The following ABR variants were observed in gnomAD, a reference collection of about 807,000 sequenced individuals.
ABR encodes the protein ABR activator of RhoGEF and GTPase.
A neutral mutation model predicts 107.2 loss-of-function variants in ABR; 35 were observed. The observed-to-expected ratio is 0.33, with a 90% CI of 0.25 to 0.43. The LOEUF (loss-of-function observed/expected upper bound fraction) is 0.43. ABR is among the 20% of genes least tolerant of loss of function. The pLI is 1.00. For synonymous variants in ABR, 498 were observed against 462.0 expected (o/e 1.08, Z -1.00); for missense variants, 815 against 1,115.2 (o/e 0.73, Z 3.83).
chr17:1,152,151 G>A (rs1181339746), intron 1 of ABR, among the ~76,000 whole-genome samples: 3 of 152,252 alleles, frequency 2.0e-5, no homozygotes, highest in Non-Finnish European at 2.9e-5. Context: ...TTAGCTAGGT[G>A]TGGTGGCAGG....
At chr17:1,012,285 C>G in intron 18 of ABR, 1 of 643,996 alleles carries the variant, frequency 1.6e-6, no homozygotes, top group Non-Finnish European at 2.9e-6. Flanking sequence ...GGAGGCCCAG[C>G]AGGCAGCCCA....
At chr17:1,020,431 C>A (rs145687747) in intron 16 of ABR, among the ~76,000 whole-genome samples, 134 of 152,310 alleles carry the variant, frequency 8.8e-4, no homozygotes, top group Non-Finnish European at 1.6e-3. Context: ...ATCATGACTG[C>A]GCATTCAGGC....
chr17:1,206,250 C>T (rs1003082233), intron 1 of ABR, among the ~76,000 whole-genome samples: 4 of 152,206 alleles, frequency 2.6e-5, no homozygotes, highest in Non-Finnish European at 5.9e-5. Flanking sequence ...GACACTGATG[C>T]GTTTATAGTG....
In ABR at chr17:1,125,223, T is replaced by G. The variant is rs751794598; in HGVS notation, c.206A>C (p.Asp69Ala). 1.2e-6 allele frequency: 2 copies of G among 1,603,446 alleles called. No individual in the cohort carries two copies. The highest frequency in any genetic ancestry group is 2.2e-5 in the South Asian group (2 of 90,308). Residue 69 changes from aspartate (D) to alanine (A), a missense_variant, in exon 2 of 23, where the codon GAT (aspartate) becomes GCT (alanine). By Grantham distance (126) the Asp-to-Ala change is moderately radical (BLOSUM62 -2). Around this residue, in one of 5 missense-constraint regions of ABR, gnomAD observed 129 missense variants for 124.8 expected, o/e 1.03. Coordinates refer to ENST00000302538, the MANE Select transcript of ABR (RefSeq NM_021962.5). Reference sequence around the variant, plus strand: ...CTCAGGTGGAGTCGGGGAGACGCCATCCCCCCCGCCCTGGCTGCGGGCGCT... The same window carrying G: ...CTCAGGTGGAGTCGGGGAGACGCCAGCCCCCCCGCCCTGGCTGCGGGCGCT... ...QLSARSQGGG[D>A]GVSPTPPEGL...
chr17:1,024,599 A>T (rs1342788809), intron 16 of ABR, among the ~76,000 whole-genome samples: 1 of 152,084 alleles, frequency 6.6e-6, no homozygotes, highest in African/African-American at 2.4e-5. Context: ...CAGCCTGCGC[A>T]ACATAACGAA....
At chr17:1,199,280 G>A (rs929963350) in intron 1 of ABR, among the ~76,000 whole-genome samples, 3 of 150,922 alleles carry the variant, frequency 2.0e-5, no homozygotes, top group Non-Finnish European at 2.9e-5. Flanking sequence ...AAGATCACCC[G>A]GGCTGCTGGC....
rs2071913405 is a variant in ABR, at chr17:1,023,691, A to G, written c.1792-10527T>C. ...AAGGCCAAGGACCTGTCAGACCTCCATGGGCTCTGAAGCCTCGAGCTGGAC... is the reference window on the plus strand; with the variant it reads ...AAGGCCAAGGACCTGTCAGACCTCCGTGGGCTCTGAAGCCTCGAGCTGGAC... On this transcript the variant is annotated intron_variant, in intron 16 of 22. Coordinates refer to ENST00000302538, the MANE Select transcript of ABR (RefSeq NM_021962.5). Among the ~76,000 whole-genome samples, 4 of 152,328 alleles carry G rather than the reference A, an allele frequency of 2.6e-5. No individual in the cohort carries two copies. In the South Asian group the frequency reaches 6.2e-4, roughly 24 times the overall value.
intron 18 of ABR, 155 bp downstream of exon 18, chr17:1,012,533 G>A (rs752176957): frequency 2.7e-5 from 19 of 710,528 alleles, no homozygotes; most frequent in South Asian, 1.8e-4. Context: ...CGCCTCTGCG[G>A]CCACTCTAGA....
chr17:1,165,686 C>T (rs1448229016), intron 1 of ABR, among the ~76,000 whole-genome samples: 1 of 152,194 alleles, frequency 6.6e-6, no homozygotes, highest in Non-Finnish European at 1.5e-5. Context: ...CATCCACCAC[C>T]ACGCCCAGCT....
intron 2 of ABR, among the ~76,000 whole-genome samples, chr17:1,120,041 T>C (rs1276550916): frequency 6.6e-6 from 1 of 151,792 alleles, no homozygotes; most frequent in Non-Finnish European, 1.5e-5. Flanking sequence ...ATTATGGGAG[T>C]GAACTACCAT....
At chr17:1,090,934 CA>C (rs1328551895) in intron 4 of ABR, among the ~76,000 whole-genome samples, 1 of 152,128 alleles carries the variant, frequency 6.6e-6, no homozygotes, top group African/African-American at 2.4e-5. Context: ...CCAGGGGACA[CA>C]GCCAGAGATG....
upstream of ABR, among the ~76,000 whole-genome samples, chr17:1,190,817 G>A (rs866558685): frequency 3.3e-5 from 5 of 152,238 alleles, no homozygotes; most frequent in East Asian, 3.9e-4. Context: ...GCCCCACGGC[G>A]CTGCAGGCGA....
At chr17:1,038,369 C>A (rs185318041) in intron 16 of ABR, among the ~76,000 whole-genome samples, 1 of 152,218 alleles carries the variant, frequency 6.6e-6, no homozygotes, top group Non-Finnish European at 1.5e-5. Flanking sequence ...CAGCTCCAGT[C>A]GTGTCTCTGC....
intron 1 of ABR, among the ~76,000 whole-genome samples, chr17:1,165,109 T>C (rs1276972555): frequency 6.6e-6 from 1 of 152,186 alleles, no homozygotes; most frequent in Non-Finnish European, 1.5e-5. Flanking sequence ...ATAAATAACT[T>C]GCTGGAGGTC....
chr17:1,058,596 G>T, intron 11 of ABR, 149 bp downstream of exon 11: 2 of 1,068,622 alleles, frequency 1.9e-6, no homozygotes, highest in Non-Finnish European at 1.3e-6. Flanking sequence ...CGAGAGGGGA[G>T]AGCGAGTCAA....
intron 16 of ABR, among the ~76,000 whole-genome samples, chr17:1,028,535 G>A (rs1367279427): frequency 6.6e-6 from 1 of 152,212 alleles, no homozygotes. Flanking sequence ...AATGGCCCAA[G>A]AGGGGCTCTC....
rs1386727786 is a variant in ABR, at chr17:1,154,394, C to T, written c.61+25273G>A. ...CAGGTGCAGCTTACAGTTCCCGTCC[C>T]GTGGTGCTGCCTGCCCTGGTTGCAT... On this transcript the variant is annotated intron_variant, in intron 1 of 22. Coordinates refer to ENST00000302538, the MANE Select transcript of ABR (RefSeq NM_021962.5). This position sits in a 1 kb window ranked among gnomAD's most constrained non-coding sequence, Gnocchi z 4.0. The T allele has an allele frequency of 1.3e-5, 2 of 152,344 alleles. No individual in the cohort carries two copies. Among genetic ancestry groups the T allele is most frequent in the Admixed American group, 6.5e-5 (1 of 15,284 alleles). 9.4% of individuals were successfully genotyped at this position (152,344 alleles called of 1,614,324 possible).
intron 3 of ABR, among the ~76,000 whole-genome samples, chr17:1,100,003 G>C (rs573701175): frequency 1.3e-5 from 2 of 152,142 alleles, no homozygotes; most frequent in South Asian, 4.2e-4. Flanking sequence ...GCGTGCACGT[G>C]CAATTCCAGC....
rs149137497 is a variant in ABR at position 1,079,170 on chromosome 17, G to T, written c.700+160C>A. On this transcript the variant is annotated intron_variant, in intron 6 of 22. Transcript: ENST00000302538. The stretch of plus-strand genomic sequence containing the variant: ...CTAGAGTCCTCGCGTGCGCGCACAC[G>T]CGCACTCAGCTCACACTCACACGCG... 4.2e-5 allele frequency: 62 copies of T among 1,463,204 alleles called. 1 individual carries two copies. The African/African-American group carries it at 7.0e-4, about 17-fold the overall frequency. The allele number at this position is 1,463,204 out of a possible 1,614,324, so 90.6% of individuals were successfully genotyped here. A position where few individuals can be genotyped will look rare whatever the true frequency, so the allele number is the denominator to read the frequency against.
Sources: gnomAD v4.1 joint callset for allele counts (sites outside exome capture counted in the v4.1 genomes callset) on GRCh38, gnomAD v4.1.1 for gene constraint, gnomAD v4.1.1 regional missense constraint, Gnocchi (gnomAD v3.1) non-coding constraint, MANE v1.5 for transcripts, NCBI Gene and HGNC (gene_info 2026-07-23, HGNC 2026-07-21) for gene names.